Variants in RALGAPB observed in about 807,000 individuals in gnomAD.
RALGAPB encodes ral GTPase-activating protein subunit beta.
RALGAPB carries 25 observed loss-of-function variants against 161.1 expected under a neutral mutation model. That is an observed-to-expected ratio of 0.16 (90% CI 0.11 to 0.22). The LOEUF (loss-of-function observed/expected upper bound fraction) is 0.22. Ranked by LOEUF, RALGAPB falls within the 10% of genes least tolerant of loss-of-function variation. RALGAPB has a pLI of 1.00. For synonymous variants in RALGAPB, 629 were observed against 626.1 expected (o/e 1.00, Z -0.07); for missense variants, 1,391 against 1,815.2 (o/e 0.77, Z 4.25).
chr20:38,497,430 C>T lies in RALGAPB; in HGVS notation c.467C>T (p.Ser156Phe). ...ATTCAGAAACTGGCCCGTGAGTCAT[C>T]TCTCATGGCCCGAGAAACTTGGGAA... ...RAIQKLARES[S>F]LMARETWEVL... Residue 156 changes from serine (S) to phenylalanine (F), a missense_variant, in exon 4 of 30, where the codon TCT becomes TTT. Coordinates refer to ENST00000262879, the MANE Select transcript of RALGAPB (RefSeq NM_020336.4). The T allele has an allele frequency of 6.2e-7, 1 of 1,614,044 alleles. No homozygotes were observed. Among genetic ancestry groups the T allele is most frequent in the Non-Finnish European group, 8.5e-7 (1 of 1,179,908 alleles).
At chr20:38,513,992 CT>C (rs1335421425) in intron 6 of RALGAPB, among the ~76,000 whole-genome samples, 1 of 152,044 alleles carries the variant, frequency 6.6e-6, no homozygotes, top group Non-Finnish European at 1.5e-5. Context: ...CTAGTCGAGT[CT>C]TTTTTAGAGG....
At chr20:38,526,232 G>T (rs571117588) in intron 13 of RALGAPB, among the ~76,000 whole-genome samples, 190 bp downstream of exon 13, 1 of 152,268 alleles carries the variant, frequency 6.6e-6, no homozygotes, top group African/African-American at 2.4e-5. Context: ...AAGTGTTACA[G>T]TTGTCTTGGT....
intron 6 of RALGAPB, among the ~76,000 whole-genome samples, chr20:38,511,943 C>T (rs1037499690): frequency 2.6e-5 from 4 of 152,054 alleles, no homozygotes; most frequent in Non-Finnish European, 5.9e-5. Context: ...GACAGGGCGG[C>T]GGCCGGGCGG....
chr20:38,477,356 G>A (rs1259291576), intron 1 of RALGAPB, among the ~76,000 whole-genome samples: 3 of 152,194 alleles, frequency 2.0e-5, no homozygotes, highest in Non-Finnish European at 4.4e-5. Context: ...GGTGGTGCTG[G>A]TAGGGGGCAG....
intron 29 of RALGAPB, 112 bp downstream of exon 29, chr20:38,574,410 T>C (rs2088357413): frequency 1.7e-6 from 2 of 1,199,326 alleles, no homozygotes; most frequent in Admixed American, 2.5e-5. Context: ...CTTCCACATG[T>C]AGGAAATGGT....
intron 10 of RALGAPB, among the ~76,000 whole-genome samples, chr20:38,523,293 A>G (rs1394570513): frequency 6.6e-6 from 1 of 152,214 alleles, no homozygotes; most frequent in Non-Finnish European, 1.5e-5. Context: ...AGTCAGCTAC[A>G]GTTGTGAAGG....
In RALGAPB at chr20:38,558,215, C is replaced by T. The variant is rs182254979; in HGVS notation, c.3373-80C>T. 16 of 1,200,532 alleles carry T rather than the reference C, an allele frequency of 1.3e-5. No homozygotes were observed. In the Admixed American group the frequency reaches 2.0e-4, roughly 15 times the overall value. The allele number at this position is 1,200,532 out of a possible 1,614,324, so 74.4% of individuals were successfully genotyped here. A position where few individuals can be genotyped will look rare whatever the true frequency, so the allele number is the denominator to read the frequency against. ...ATTTTTTAATTTTATTTTTATTAAA[C>T]CATGAGCAAGTATTGTTTTTATAAT... On this transcript the variant is annotated intron_variant, in intron 22 of 29. Transcript: ENST00000262879.
At chr20:38,516,128 A>G in intron 6 of RALGAPB, 64 bp from the exon 7 acceptor site, 2 of 1,243,524 alleles carry the variant, frequency 1.6e-6, no homozygotes, top group Non-Finnish European at 2.3e-6. Context: ...AAATTAGATT[A>G]CGTGTATTTT....
At chr20:38,565,261 T>C in intron 24 of RALGAPB, 98 bp from the exon 25 acceptor site, 1 of 1,377,146 alleles carries the variant, frequency 7.3e-7, no homozygotes, top group Non-Finnish European at 9.9e-7. Flanking sequence ...ATATTCTATT[T>C]ATCACTTTAT....
intron 22 of RALGAPB, among the ~76,000 whole-genome samples, chr20:38,557,680 G>GTAT (rs1458309522): frequency 1.3e-5 from 2 of 152,142 alleles, no homozygotes; most frequent in Non-Finnish European, 2.9e-5. Context: ...TCTTCATTCA[G>GTAT]TATGCATTTA....
chr20:38,508,203 T>C (rs917757920), intron 5 of RALGAPB, among the ~76,000 whole-genome samples: 6 of 151,688 alleles, frequency 4.0e-5, no homozygotes, highest in African/African-American at 1.5e-4. Flanking sequence ...CATATAAACA[T>C]ATAAATGTCA....
intron 9 of RALGAPB, among the ~76,000 whole-genome samples, chr20:38,518,412 A>T (rs867208527): frequency 4.9e-4 from 74 of 152,348 alleles, no homozygotes; most frequent in African/African-American, 1.7e-3. Flanking sequence ...ATATGTAAAC[A>T]TCAGAAAATT....
chr20:38,521,788 G>GTATTTCAGACCAACA, intron 10 of RALGAPB, 90 bp downstream of exon 10: 1 of 1,310,170 alleles, frequency 7.6e-7, no homozygotes, highest in Non-Finnish European at 1.1e-6. Flanking sequence ...AGTGATGTTG[G>GTATTTCAGACCAACA]TCTGAAATAC....
At chr20:38,498,333 G>T (rs1373986218) in intron 4 of RALGAPB, among the ~76,000 whole-genome samples, 1 of 152,172 alleles carries the variant, frequency 6.6e-6, no homozygotes, top group Non-Finnish European at 1.5e-5. Context: ...ATAGCACAGT[G>T]TATATAAACT....
chr20:38,561,875 T>C lies in RALGAPB; in HGVS notation c.3532-657T>C, dbSNP rs531850595. Among the ~76,000 whole-genome samples, 8 of 152,338 alleles carry C rather than the reference T, an allele frequency of 5.3e-5. No homozygotes were observed. In the East Asian group the frequency reaches 9.6e-4, roughly 18 times the overall value. ...CAAAAATGTCTCCAAATGTTGGATG[T>C]CTGCTGAAGAGCAAAATCACCCCTA... On this transcript the variant is annotated intron_variant, in intron 23 of 29. Coordinates refer to ENST00000262879, the MANE Select transcript of RALGAPB (RefSeq NM_020336.4).
intron 1 of RALGAPB, among the ~76,000 whole-genome samples, chr20:38,482,568 C>G (rs1473270783): frequency 6.6e-6 from 1 of 151,264 alleles, no homozygotes; most frequent in African/African-American, 2.4e-5. Flanking sequence ...GCTGGGATTA[C>G]AGGCACACAC....
intron 28 of RALGAPB, among the ~76,000 whole-genome samples, chr20:38,573,152 G>A (rs1033724206): frequency 4.0e-5 from 6 of 150,930 alleles, no homozygotes; most frequent in Middle Eastern, 3.4e-3. Flanking sequence ...GGCTGGTCTC[G>A]AACTCCTGGG....
chr20:38,483,537 A>G (rs190309268), intron 1 of RALGAPB, among the ~76,000 whole-genome samples: 38 of 152,296 alleles, frequency 2.5e-4, no homozygotes, highest in Admixed American at 3.9e-4. Context: ...AAACAAGTCA[A>G]ATTACCGGGT....
At chr20:38,507,730 C>T (rs1396019155) in intron 5 of RALGAPB, among the ~76,000 whole-genome samples, 1 of 151,758 alleles carries the variant, frequency 6.6e-6, no homozygotes, top group Non-Finnish European at 1.5e-5. Flanking sequence ...TATGGTCTTG[C>T]TCTGTTGCCC....
Sources: allele counts gnomAD v4.1 joint callset (sites outside exome capture counted in the v4.1 genomes callset), GRCh38; gene constraint gnomAD v4.1.1; transcripts MANE v1.5; gene names NCBI Gene and HGNC (gene_info 2026-07-23, HGNC 2026-07-21).